PPID: variants seen among roughly 807,000 people sequenced by gnomAD.
PPID encodes peptidylprolyl isomerase D, also known as peptidyl-prolyl cis-trans isomerase D.
A neutral mutation model predicts 48.1 loss-of-function variants in PPID; 47 were observed. The ratio of observed to expected loss-of-function variants is 0.98; its 90% CI spans 0.77 to 1.25. PPID has a LOEUF of 1.25. Among genes scored for constraint, PPID ranks in the 50% most tolerant of loss-of-function variants. The probability of loss-of-function intolerance (pLI) is 0.00; values close to 1 mark genes in which losing one functional copy is unlikely to be tolerated. For synonymous variants in PPID, 163 were observed against 148.8 expected (o/e 1.10, Z -0.69); for missense variants, 429 against 443.5 (o/e 0.97, Z 0.29).
intron 9 of PPID, 180 bp from the exon 10 acceptor site, chr4:158,710,004 A>G: frequency 1.7e-6 from 1 of 583,994 alleles, no homozygotes. Context: ...ATTTTAGAGG[A>G]TGTCAACTGA....
At chr4:158,710,110 A>AT (rs1774760021) in intron 9 of PPID, 1 of 420,734 alleles carries the variant, frequency 2.4e-6, no homozygotes, top group East Asian at 4.6e-5. Context: ...GACCAAAGAC[A>AT]TTTTGTAATA....
At position 158,710,754 on chromosome 4, in the gene PPID, A is replaced by C. The variant is rs1327768569; in HGVS notation, c.981+8T>G. 1.9e-6 allele frequency: 3 copies of C among 1,612,790 alleles called. No homozygotes were observed. The highest frequency in any genetic ancestry group is 2.5e-6 in the Non-Finnish European group (3 of 1,178,938). On this transcript the variant is annotated splice_region_variant and intron_variant, in intron 8 of 9. Transcript: ENST00000307720. ...TTTAAAAAATTAAACATTTGGAACA[A>C]AATTTACCAATGCTTGATCATATTC...
At position 158,709,843 on chromosome 4, in the gene PPID, A is replaced by G; in HGVS notation, c.1025-19T>C. 3 of 1,565,550 alleles carry G rather than the reference A, an allele frequency of 1.9e-6. No individual in the cohort carries two copies. The highest frequency in any genetic ancestry group is 1.1e-5 in the South Asian group (1 of 89,260). ...TGGATAGCTGTAAAATAAATATGCA[A>G]TGTGAGTTATTTCTCAAAATATCCA... On this transcript the variant is annotated intron_variant, in intron 9 of 9. Transcript: ENST00000307720.
chr4:158,710,973 CA>C (rs1408403274), intron 7 of PPID, 125 bp from the exon 8 acceptor site: 3 of 830,656 alleles, frequency 3.6e-6, no homozygotes, highest in Non-Finnish European at 5.7e-6. Context: ...CTGAAACATG[CA>C]AATAGCTCTC....
At chr4:158,722,467 T>C (rs1002038671) in intron 1 of PPID, among the ~76,000 whole-genome samples, 3 of 152,232 alleles carry the variant, frequency 2.0e-5, no homozygotes, top group African/African-American at 7.2e-5. Context: ...CCCTAGCTAG[T>C]TGCAACAAAC....
chr4:158,710,094 A>G (rs113691837), intron 9 of PPID: 7 of 448,558 alleles, frequency 1.6e-5, no homozygotes, highest in African/African-American at 6.0e-5. Flanking sequence ...CATTTTAGTA[A>G]TAAGAGACCA....
chr4:158,710,139 ATTC>A, intron 9 of PPID: 1 of 364,388 alleles, frequency 2.7e-6, no homozygotes, highest in Admixed American at 4.4e-5. Context: ...TAGTGTCACT[ATTC>A]ATAGTTGGTT....
chr4:158,716,436 A>C (rs1774872919), intron 4 of PPID, among the ~76,000 whole-genome samples: 1 of 152,118 alleles, frequency 6.6e-6, no homozygotes, highest in South Asian at 2.1e-4. Flanking sequence ...ATACATACCA[A>C]CTGAACAGTT....
In PPID at chr4:158,717,097, T is replaced by G. The variant is rs772905514; in HGVS notation, c.437A>C (p.His146Pro). The G allele has an allele frequency of 6.2e-7, 1 of 1,609,850 alleles. No homozygotes were observed. The highest frequency in any genetic ancestry group is 1.3e-5 in the African/African-American group (1 of 74,788). Residue 146 changes from histidine to proline, a missense_variant, in exon 4 of 10, where the codon CAT becomes CCT. By Grantham distance (77) the His-to-Pro change is moderately conservative. Transcript: ENST00000307720. ...TVPTPHLDGK[H>P]VVFGQVIKGI... is the part of the protein sequence containing the mutation. ...TTTAATTACTTGGCCAAACACCACA[T>G]GTTTCCCATCCAAATGAGGAGTTGG... is the stretch of plus-strand genomic sequence containing the variant.
chr4:158,720,150 G>C (rs1774934374), intron 2 of PPID, among the ~76,000 whole-genome samples: 1 of 152,154 alleles, frequency 6.6e-6, no homozygotes, highest in African/African-American at 2.4e-5. Context: ...ATTCATGTTT[G>C]TACAAATAGG....
chr4:158,712,800 T>TA (rs1357682176), intron 7 of PPID, among the ~76,000 whole-genome samples: 1 of 152,020 alleles, frequency 6.6e-6, no homozygotes, highest in African/African-American at 2.4e-5. Context: ...ACTGACTCCA[T>TA]AACCCACATC....
chr4:158,710,142 C>T, intron 9 of PPID: 1 of 358,046 alleles, frequency 2.8e-6, no homozygotes, highest in Non-Finnish European at 5.1e-6. Flanking sequence ...TGTCACTATT[C>T]ATAGTTGGTT....
chr4:158,723,345 C>T lies in PPID; in HGVS notation c.-57G>A. On this transcript the variant is annotated 5_prime_UTR_variant, in exon 1 of 10. Coordinates refer to ENST00000307720, the MANE Select transcript of PPID (RefSeq NM_005038.3). ...TCAGAGTACCTAGTGGCCGCCCGGG[C>T]CGCCCAAACTCCAGAGTCCGTCTCC... 1 of 1,532,352 alleles carries T rather than the reference C, an allele frequency of 6.5e-7. No individual in the cohort carries two copies. The highest frequency in any genetic ancestry group is 9.0e-7 in the Non-Finnish European group (1 of 1,111,922). 94.9% of individuals were successfully genotyped at this position (1,532,352 alleles called of 1,614,324 possible). A position where few individuals can be genotyped will look rare whatever the true frequency, so the allele number is the denominator to read the frequency against.
chr4:158,721,800 T>C (rs1774964996), intron 1 of PPID, among the ~76,000 whole-genome samples: 1 of 152,212 alleles, frequency 6.6e-6, no homozygotes, highest in Non-Finnish European at 1.5e-5. Flanking sequence ...CACATGTAAG[T>C]GAGATCATGC....
intron 9 of PPID, 21 bp downstream of exon 9, chr4:158,710,607 C>T: frequency 6.2e-7 from 1 of 1,609,844 alleles, no homozygotes; most frequent in Middle Eastern, 1.8e-4. Context: ...TTAACTTTCA[C>T]TACAAAAGCT....
At chr4:158,711,492 G>A (rs1774791015) in intron 7 of PPID, among the ~76,000 whole-genome samples, 1 of 151,932 alleles carries the variant, frequency 6.6e-6, no homozygotes, top group African/African-American at 2.4e-5. Context: ...CTCCCTAAGT[G>A]CTGGAATTAC....
chr4:158,715,834 CAACT>C (rs1378939524), intron 4 of PPID, 150 bp from the exon 5 acceptor site: 7 of 800,676 alleles, frequency 8.7e-6, no homozygotes, highest in Non-Finnish European at 1.3e-5. Flanking sequence ...TTATACATTC[CAACT>C]AATACGACAA....
rs77697659 is a variant in PPID at position 158,712,838 on chromosome 4, T to C, written c.894+281A>G. On this transcript the variant is annotated intron_variant, in intron 7 of 9. Transcript: ENST00000307720. ...AATCATTTCTGACTTTGTCTTCTAA[T>C]GCCTAACACACAATAGGTGCTCTTA... 3.8e-3 allele frequency among the ~76,000 whole-genome samples: 575 copies of C among 152,318 alleles called. 1 individual carries two copies. The highest frequency in any genetic ancestry group is 0.013 in the African/African-American group (537 of 41,564).
At chr4:158,718,824 A>G (rs750923835) in intron 3 of PPID, among the ~76,000 whole-genome samples, 3 of 152,322 alleles carry the variant, frequency 2.0e-5, no homozygotes, top group Non-Finnish European at 4.4e-5. Flanking sequence ...CCTGGATATT[A>G]GTGATGGTTT....
Sources: allele counts gnomAD v4.1 joint callset (sites outside exome capture counted in the v4.1 genomes callset), GRCh38; gene constraint gnomAD v4.1.1; transcripts MANE v1.5; gene names NCBI Gene and HGNC (gene_info 2026-07-23, HGNC 2026-07-21).